Variants in TBC1D9 observed in about 807,000 individuals in gnomAD.
TBC1D9 encodes TBC1 domain family member 9A.
A neutral mutation model predicts 132.0 loss-of-function variants in TBC1D9; 63 were observed. The ratio of observed to expected loss-of-function variants is 0.48; its 90% CI spans 0.39 to 0.59. The LOEUF is 0.59. TBC1D9 is among the 20% of genes least tolerant of loss of function. TBC1D9 has a pLI of 0.00. For synonymous variants in TBC1D9, 610 were observed against 609.9 expected, an observed-to-expected ratio of 1.00 and a Z score of 0.00; for missense variants, 1,261 against 1,592.7, an observed-to-expected ratio of 0.79 and a Z score of 3.54.
At chr4:140,627,663 C>T in intron 17 of TBC1D9, 136 bp from the exon 18 acceptor site, 1 of 621,294 alleles carries the variant, frequency 1.6e-6, no homozygotes, top group Non-Finnish European at 2.9e-6. Flanking sequence ...CCTTGAGTGC[C>T]TACTGTCTCT....
In TBC1D9 at chr4:140,756,066, G is replaced by A. The variant is rs755569244; in HGVS notation, c.-21C>T. On this transcript the variant is annotated 5_prime_UTR_variant, in exon 1 of 21. Transcript: ENST00000442267. This position sits in a 1 kb window ranked among gnomAD's most constrained non-coding sequence, Gnocchi z 5.6. ...CACATGGTCCTGGCTGCCGCGGGCG[G>A]GCGCACAATGGGCCCGTGGGTCCAG... 5 of 1,599,820 alleles carry A rather than the reference G, an allele frequency of 3.1e-6. No individual in the cohort carries two copies. The highest frequency in any genetic ancestry group is 4.3e-6 in the Non-Finnish European group (5 of 1,173,470).
chr4:140,653,088 C>A (rs973526972), intron 13 of TBC1D9, among the ~76,000 whole-genome samples: 1 of 152,202 alleles, frequency 6.6e-6, no homozygotes, highest in Non-Finnish European at 1.5e-5. Flanking sequence ...ACACAAGGGT[C>A]TACACAGAAG....
chr4:140,747,466 G>A (rs970872933), intron 1 of TBC1D9, among the ~76,000 whole-genome samples: 5 of 152,046 alleles, frequency 3.3e-5, no homozygotes, highest in African/African-American at 1.2e-4. Context: ...ACATACTGAG[G>A]ATAATAATAG....
At chr4:140,633,635 T>A (rs1736831784) in intron 16 of TBC1D9, among the ~76,000 whole-genome samples, 1 of 152,214 alleles carries the variant, frequency 6.6e-6, no homozygotes, top group Non-Finnish European at 1.5e-5. Context: ...TATTCTATTT[T>A]TTTTTGTCAA....
intron 15 of TBC1D9, among the ~76,000 whole-genome samples, chr4:140,636,881 G>A (rs752734043): frequency 3.3e-5 from 5 of 152,150 alleles, no homozygotes; most frequent in African/African-American, 7.2e-5. Context: ...GACACCAACC[G>A]AGTCTCAGGT....
chr4:140,655,611 G>A (rs533973404), intron 13 of TBC1D9, among the ~76,000 whole-genome samples: 12 of 152,254 alleles, frequency 7.9e-5, no homozygotes, highest in Admixed American at 2.6e-4. Flanking sequence ...CAAGTGTTAT[G>A]AGCACTTGGG....
At chr4:140,673,606 A>G (rs1345700499) in intron 6 of TBC1D9, among the ~76,000 whole-genome samples, 1 of 152,198 alleles carries the variant, frequency 6.6e-6, no homozygotes, top group Non-Finnish European at 1.5e-5. Context: ...CCATTAATAC[A>G]TCACAGAGTC....
intron 1 of TBC1D9, among the ~76,000 whole-genome samples, chr4:140,738,263 C>A (rs544059226): frequency 6.6e-6 from 1 of 152,190 alleles, no homozygotes; most frequent in South Asian, 2.1e-4. Context: ...AACTGCCTTC[C>A]TTTTGTTCCC....
chr4:140,721,332 A>C (rs1279077835), intron 1 of TBC1D9, among the ~76,000 whole-genome samples: 2 of 152,202 alleles, frequency 1.3e-5, no homozygotes, highest in Non-Finnish European at 2.9e-5. Flanking sequence ...GCTCCTAATC[A>C]CTTTATGTGC....
rs368197536 is a variant in TBC1D9, at chr4:140,622,798, G to T, written c.3198C>A (p.Val1066=). ...CAGGCTGGGCCACGAACAACTTGCCGACCTCCCCAATCTCCAGCAGGAGGC... is the reference window on the plus strand; with the variant it reads ...CAGGCTGGGCCACGAACAACTTGCCTACCTCCCCAATCTCCAGCAGGAGGC... ...VTSLLLEIGE[V]GKLFVAQPAK... is the part of the protein sequence containing the mutation. The change falls in exon 21 of 21, where the codon GTC becomes GTA. Residue 1066 remains valine, a synonymous_variant. Coordinates refer to ENST00000442267, the MANE Select transcript of TBC1D9 (RefSeq NM_015130.3). 4.4e-6 allele frequency: 7 copies of T among 1,601,938 alleles called. No individual in the cohort carries two copies. The highest frequency in any genetic ancestry group is 5.9e-6 in the Non-Finnish European group (7 of 1,178,558).
Position 140,669,814 on chromosome 4 carries a change from C to T in TBC1D9, c.1267-10G>A, listed in dbSNP as rs1737507918. On this transcript the variant is annotated splice_polypyrimidine_tract_variant and intron_variant, in intron 7 of 20. Coordinates refer to ENST00000442267, the MANE Select transcript of TBC1D9 (RefSeq NM_015130.3). ...TGGGTCGAGAGTACACCTGTCAATA[C>T]AGAGAGGAACAAGACATTGGGAGGA... 3 of 1,606,240 alleles carry T rather than the reference C, an allele frequency of 1.9e-6. No individual in the cohort carries two copies. Among genetic ancestry groups the T allele is most frequent in the Non-Finnish European group, 2.6e-6 (3 of 1,173,714 alleles).
intron 18 of TBC1D9, among the ~76,000 whole-genome samples, chr4:140,625,175 A>G (rs1560864011): frequency 6.6e-6 from 1 of 152,206 alleles, no homozygotes; most frequent in Admixed American, 6.5e-5. Context: ...AACTTTGCAT[A>G]TATGAGACAG....
At chr4:140,660,626 G>A (rs571156062) in intron 10 of TBC1D9, among the ~76,000 whole-genome samples, 3 of 152,228 alleles carry the variant, frequency 2.0e-5, no homozygotes, top group South Asian at 4.2e-4. Context: ...GTTTTTTTAG[G>A]GGTCTACCTT....
chr4:140,709,248 TCACACACACACACACACACA>T (rs36222926), intron 1 of TBC1D9, among the ~76,000 whole-genome samples: 47 of 104,192 alleles, frequency 4.5e-4, no homozygotes, highest in Admixed American at 1.1e-3. Flanking sequence ...TCTCTCTCTC[TCACACACACACACACACACA>T]CACACACACA....
intron 3 of TBC1D9, among the ~76,000 whole-genome samples, chr4:140,681,774 C>G (rs1283215808): frequency 1.3e-5 from 2 of 152,170 alleles, no homozygotes; most frequent in Non-Finnish European, 2.9e-5. Flanking sequence ...GAAAAGAAAT[C>G]TGCACTGAAT....
intron 1 of TBC1D9, among the ~76,000 whole-genome samples, chr4:140,709,211 C>T (rs1359820295): frequency 7.1e-6 from 1 of 139,868 alleles, no homozygotes; most frequent in Admixed American, 7.5e-5. Flanking sequence ...GGGGAAGGAA[C>T]CAGCCTTATC....
chr4:140,623,740 T>C (rs1452301956), intron 20 of TBC1D9, among the ~76,000 whole-genome samples: 2 of 152,192 alleles, frequency 1.3e-5, no homozygotes, highest in African/African-American at 4.8e-5. Context: ...TTTATATTGT[T>C]TTTTTCTTCC....
chr4:140,669,588 AT>A lies in TBC1D9; in HGVS notation c.1437+45del, dbSNP rs755629605. ...TACAGTAAAAAATATTGTTAATGGC[AT>A]TGTTCAAATCTACAAAGTTTCAGGG... On this transcript the variant is annotated intron_variant, in intron 8 of 20. Transcript: ENST00000442267. 3.2e-6 allele frequency: 5 copies of A among 1,565,824 alleles called. No individual in the cohort carries two copies. The Admixed American group carries it at 8.8e-5, about 28-fold the overall frequency.
chr4:140,657,313 A>C, intron 12 of TBC1D9, 87 bp from the exon 13 acceptor site: 2 of 1,505,194 alleles, frequency 1.3e-6, no homozygotes, highest in Non-Finnish European at 1.8e-6. Context: ...CAAGTTCTAC[A>C]TTTTAAAACA....
Sources: allele counts gnomAD v4.1 joint callset (sites outside exome capture counted in the v4.1 genomes callset), GRCh38; gene constraint gnomAD v4.1.1; non-coding constraint Gnocchi (gnomAD v3.1); transcripts MANE v1.5; gene names NCBI Gene and HGNC (gene_info 2026-07-23, HGNC 2026-07-21).